The following MAF variants were observed in gnomAD, a reference collection of about 807,000 sequenced individuals.
MAF encodes the protein MAF bZIP transcription factor.
In MAF, 10 loss-of-function variants were observed where a neutral mutation model predicts 22.0. The ratio of observed to expected loss-of-function variants is 0.45; its 90% confidence interval spans 0.28 to 0.77. The LOEUF (loss-of-function observed/expected upper bound fraction) is 0.77. MAF is among the 30% of genes least tolerant of loss of function. The pLI is 0.12. For missense variants in MAF, 544 were observed against 548.4 expected (o/e 0.99, Z 0.08); for synonymous variants, 337 against 255.8 (o/e 1.32, Z -3.03).
chr16:79,406,314 C>T, the MAF span, among the ~76,000 whole-genome samples: 2 of 152,202 alleles, frequency 1.3e-5, no homozygotes, highest in Non-Finnish European at 2.9e-5. Flanking sequence ...ATAGGATTCA[C>T]ATGGTTTCTT....
the MAF span, among the ~76,000 whole-genome samples, chr16:79,545,615 C>G: frequency 1.4e-4 from 22 of 152,216 alleles, no homozygotes; most frequent in East Asian, 9.7e-4. Flanking sequence ...CCCACCCCCC[C>G]ACAGAGGCAT....
the MAF span, among the ~76,000 whole-genome samples, chr16:79,228,295 G>A: frequency 1.3e-5 from 2 of 152,182 alleles, no homozygotes; most frequent in South Asian, 2.1e-4. Flanking sequence ...TACAAGGAAA[G>A]CGTGAATACC....
chr16:79,255,497 C>G, the MAF span, among the ~76,000 whole-genome samples: 448 of 152,312 alleles, frequency 2.9e-3, 1 homozygote, highest in African/African-American at 9.7e-3. Flanking sequence ...GATCTCCATG[C>G]TTTTATATTT....
At chr16:79,496,885 A>T in the MAF span, among the ~76,000 whole-genome samples, 4 of 152,092 alleles carry the variant, frequency 2.6e-5, no homozygotes, top group Non-Finnish European at 5.9e-5. Flanking sequence ...TCTGATTATT[A>T]TTTTTTTCCT....
chr16:79,279,845 G>T, the MAF span, among the ~76,000 whole-genome samples: 6 of 152,108 alleles, frequency 3.9e-5, no homozygotes, highest in Non-Finnish European at 8.8e-5. Context: ...AGCTTTGGCA[G>T]AGCACTAGAT....
the MAF span, among the ~76,000 whole-genome samples, chr16:79,355,492 G>A: frequency 2.0e-5 from 3 of 152,332 alleles, no homozygotes; most frequent in African/African-American, 7.2e-5. Context: ...GCAGAGAAGT[G>A]AGAGAAGGAG....
At chr16:79,429,107 G>A in the MAF span, among the ~76,000 whole-genome samples, 1 of 152,160 alleles carries the variant, frequency 6.6e-6, no homozygotes, top group East Asian at 1.9e-4. Context: ...TTGGGAGCAG[G>A]AACCTTTATA....
the MAF span, among the ~76,000 whole-genome samples, chr16:79,379,522 C>T: frequency 6.1e-5 from 9 of 148,492 alleles, no homozygotes; most frequent in Admixed American, 4.6e-4. Context: ...CACACACACA[C>T]ACACACACAA....
the MAF span, among the ~76,000 whole-genome samples, chr16:79,525,044 C>A: frequency 6.6e-6 from 1 of 152,154 alleles, no homozygotes; most frequent in Non-Finnish European, 1.5e-5. Context: ...CACCAGCTCC[C>A]CAGCCAGTGA....
At chr16:79,256,044 C>G in the MAF span, among the ~76,000 whole-genome samples, 6 of 134,202 alleles carry the variant, frequency 4.5e-5, no homozygotes, top group African/African-American at 1.2e-4. Flanking sequence ...TGCTGTGGTG[C>G]GATCTCAGCT....
At chr16:79,310,131 C>A in the MAF span, among the ~76,000 whole-genome samples, 1 of 152,236 alleles carries the variant, frequency 6.6e-6, no homozygotes, top group African/African-American at 2.4e-5. Context: ...TTTAATGGAA[C>A]TGGGCAATAT....
the MAF span, among the ~76,000 whole-genome samples, chr16:79,219,540 C>T: frequency 8.9e-6 from 1 of 111,928 alleles, no homozygotes; most frequent in Non-Finnish European, 1.7e-5. Context: ...GACAGCGAGA[C>T]TCTGCCTCAA....
At chr16:79,354,459 G>C in the MAF span, among the ~76,000 whole-genome samples, 10 of 152,220 alleles carry the variant, frequency 6.6e-5, no homozygotes, top group African/African-American at 2.2e-4. Context: ...TTCGGCCATA[G>C]TGGGAGTGGG....
chr16:79,588,922 T>C (rs1161825947), downstream of MAF, among the ~76,000 whole-genome samples: 1 of 152,202 alleles, frequency 6.6e-6, no homozygotes, highest in Non-Finnish European at 1.5e-5. Flanking sequence ...TTTTAACAGA[T>C]AAAATCTTAG....
At chr16:79,507,678 G>C in the MAF span, among the ~76,000 whole-genome samples, 1 of 152,118 alleles carries the variant, frequency 6.6e-6, no homozygotes, top group African/African-American at 2.4e-5. Context: ...ATCCGCCTCG[G>C]TCTCCCAAAG....
the MAF span, among the ~76,000 whole-genome samples, chr16:79,298,042 G>A: frequency 6.6e-6 from 1 of 152,246 alleles, no homozygotes; most frequent in Non-Finnish European, 1.5e-5. Flanking sequence ...AAAATGCAGG[G>A]CTACTTGTTT....
chr16:79,299,578 C>T, the MAF span, among the ~76,000 whole-genome samples: 1 of 151,956 alleles, frequency 6.6e-6, no homozygotes, highest in East Asian at 2.0e-4. Flanking sequence ...GTGGGTCTGC[C>T]CCCACCCCTC....
chr16:79,254,322 A>C, the MAF span, among the ~76,000 whole-genome samples: 1 of 152,114 alleles, frequency 6.6e-6, no homozygotes, highest in Non-Finnish European at 1.5e-5. Flanking sequence ...ACACGGTAGC[A>C]TCAATATTTT....
the MAF span, among the ~76,000 whole-genome samples, chr16:79,424,824 A>G: frequency 2.0e-5 from 3 of 152,156 alleles, no homozygotes; most frequent in East Asian, 3.9e-4. Context: ...GTTCTAGCCA[A>G]TTTGTTGAAT....
Sources: gnomAD v4.1 joint callset for allele counts (sites outside exome capture counted in the v4.1 genomes callset) on GRCh38, gnomAD v4.1.1 for gene constraint, MANE v1.5 for transcripts, NCBI Gene and HGNC (gene_info 2026-07-23, HGNC 2026-07-21) for gene names.